Variants in ANKRD28 observed in about 807,000 individuals in gnomAD.
ANKRD28 encodes ankyrin repeat domain 28.
A neutral mutation model predicts 126.5 loss-of-function variants in ANKRD28; 44 were observed. That is an observed-to-expected ratio of 0.35 (90% CI 0.27 to 0.45). The LOEUF is 0.45. Among genes scored for constraint, ANKRD28 ranks in the 20% least tolerant of loss-of-function variants. The pLI, the probability that ANKRD28 is intolerant of heterozygous loss-of-function variation, is 1.00. For missense variants in ANKRD28, 1,110 were observed against 1,316.6 expected (o/e 0.84, Z 2.43); for synonymous variants, 442 against 468.5 (o/e 0.94, Z 0.73).
chr3:15,742,340 C>G lies in ANKRD28; in HGVS notation c.352-5107G>C, dbSNP rs566191846. 2.5e-4 allele frequency among the ~76,000 whole-genome samples: 38 copies of G among 151,386 alleles called. No individual in the cohort carries two copies. In the South Asian group the frequency reaches 7.7e-3, roughly 31 times the overall value. ...CCCATCTAGGAAGTGAGGAGCTTCT[C>G]TGCTCGGCCGCCCATCGTCTGAGAT... On this transcript the variant is annotated intron_variant, in intron 4 of 27. Transcript: ENST00000683139.
intron 25 of ANKRD28, 44 bp from the exon 26 acceptor site, chr3:15,677,100 A>G (rs779919230): frequency 8.7e-6 from 13 of 1,495,110 alleles, no homozygotes; most frequent in Non-Finnish European, 1.2e-5. Flanking sequence ...AGCACCATTA[A>G]AGATACATTT....
chr3:15,796,631 C>G lies in ANKRD28; in HGVS notation c.-110G>C. The G allele has an allele frequency of 1.5e-5, 15 of 1,029,900 alleles. No homozygotes were observed. The highest frequency in any genetic ancestry group is 1.8e-5 in the Non-Finnish European group (15 of 855,036). 63.8% of individuals were successfully genotyped at this position (1,029,900 alleles called of 1,614,324 possible). On this transcript the variant is annotated 5_prime_UTR_variant, in exon 1 of 28. Coordinates refer to ENST00000683139, the MANE Select transcript of ANKRD28 (RefSeq NM_001349278.2). The stretch of plus-strand genomic sequence containing the variant: ...ACAACACTTACAAACATTCTCTGAA[C>G]AGCACAGCTGGGTTTTTTTTTTTTT...
intron 1 of ANKRD28, among the ~76,000 whole-genome samples, chr3:15,834,745 C>T (rs2061285633): frequency 6.6e-6 from 1 of 152,074 alleles, no homozygotes; most frequent in Non-Finnish European, 1.5e-5. Flanking sequence ...GAAGCAAAAA[C>T]AAAGCTATTT....
chr3:15,808,263 G>C (rs1325152705), intron 1 of ANKRD28, among the ~76,000 whole-genome samples: 2 of 152,170 alleles, frequency 1.3e-5, no homozygotes, highest in Non-Finnish European at 2.9e-5. Context: ...TCAAAATTAA[G>C]ATGCCAGAAA....
chr3:15,704,159 G>A (rs2071021415), intron 14 of ANKRD28, among the ~76,000 whole-genome samples: 1 of 152,022 alleles, frequency 6.6e-6, no homozygotes, highest in African/African-American at 2.4e-5. Context: ...TATGTTCATT[G>A]CGATAGCAGC....
In ANKRD28 at chr3:15,713,589, T is replaced by C. The variant is rs750106637; in HGVS notation, c.1128A>G (p.Ala376=). ...DKNGNTPLHI[A]ARYGHELLIN... is the part of the protein sequence containing the mutation. ...TCAGCAGCTCATGGCCATACCGTGC[T>C]GCTATGTGCAAAGGGGTATTTCCAT... is the stretch of plus-strand genomic sequence containing the variant. The change falls in exon 10 of 28, where the codon GCA becomes GCG. Residue 376 remains alanine, a synonymous_variant. Coordinates refer to ENST00000683139, the MANE Select transcript of ANKRD28 (RefSeq NM_001349278.2). 4.3e-6 allele frequency: 7 copies of C among 1,611,312 alleles called. No homozygotes were observed. The East Asian group carries it at 1.1e-4, about 26-fold the overall frequency.
intron 4 of ANKRD28, among the ~76,000 whole-genome samples, chr3:15,744,508 G>A (rs2057346167): frequency 1.3e-5 from 2 of 150,978 alleles, no homozygotes; most frequent in Admixed American, 1.3e-4. Flanking sequence ...ATAGAGATGG[G>A]GTTTCACCAT....
At chr3:15,821,807 T>G (rs2060947066) in intron 1 of ANKRD28, among the ~76,000 whole-genome samples, 1 of 152,144 alleles carries the variant, frequency 6.6e-6, no homozygotes, top group Admixed American at 6.6e-5. Context: ...ATATGGACCT[T>G]ATTCTCAAAA....
rs776251350 is a variant in ANKRD28 at position 15,839,159 on chromosome 3, A to T, written c.27+20218T>A. 2.7e-4 allele frequency among the ~76,000 whole-genome samples: 41 copies of T among 152,124 alleles called. No individual in the cohort carries two copies. Among genetic ancestry groups the T allele is most frequent in the Admixed American group, 1.1e-3 (17 of 15,272 alleles). On this transcript the variant is annotated intron_variant, in intron 1 of 27. Transcript: ENST00000399451. This position sits in a 1 kb window ranked among gnomAD's most constrained non-coding sequence, Gnocchi z 4.3. Reference sequence around the variant, plus strand: ...GGTATCTTTTTGGGGTGATGAAAATACTCTAAAACTGGTTTGTAATGATGA... The same window carrying T: ...GGTATCTTTTTGGGGTGATGAAAATTCTCTAAAACTGGTTTGTAATGATGA...
chr3:15,858,432 TTAAG>T (rs1390909505), intron 1 of ANKRD28, among the ~76,000 whole-genome samples: 14 of 152,246 alleles, frequency 9.2e-5, no homozygotes, highest in African/African-American at 1.4e-4. Context: ...GCAATCTTTA[TTAAG>T]TAATATAAAA....
At chr3:15,762,124 T>C (rs745912396) in intron 3 of ANKRD28, among the ~76,000 whole-genome samples, 2 of 139,860 alleles carry the variant, frequency 1.4e-5, no homozygotes, top group Non-Finnish European at 3.1e-5. Flanking sequence ...AGGTGGAGGT[T>C]GCAGTAAACC....
intron 2 of ANKRD28, among the ~76,000 whole-genome samples, chr3:15,772,486 ATCAGCAAATTGAAT>A (rs1375863235): frequency 6.6e-6 from 1 of 152,198 alleles, no homozygotes; most frequent in Non-Finnish European, 1.5e-5. Context: ...TCAACTAAAT[ATCAGCAAATTGAAT>A]TCAGCAATAT....
intron 1 of ANKRD28, among the ~76,000 whole-genome samples, chr3:15,821,158 A>G (rs2060934221): frequency 6.6e-6 from 1 of 152,180 alleles, no homozygotes; most frequent in Non-Finnish European, 1.5e-5. Context: ...GATATTGCCA[A>G]ATGTCCCCTG....
chr3:15,855,232 T>A (rs1249117866), intron 1 of ANKRD28, among the ~76,000 whole-genome samples: 1 of 152,182 alleles, frequency 6.6e-6, no homozygotes, highest in African/African-American at 2.4e-5. Context: ...CCACTCTTAG[T>A]GTGTACTTGA....
chr3:15,726,337 C>A (rs1264736035), intron 6 of ANKRD28, among the ~76,000 whole-genome samples: 1 of 148,608 alleles, frequency 6.7e-6, no homozygotes, highest in Non-Finnish European at 1.5e-5. Context: ...AAGAAAAATT[C>A]TCCAAGAAAA....
At chr3:15,729,839 A>G (rs2074453015) in intron 6 of ANKRD28, among the ~76,000 whole-genome samples, 1 of 152,172 alleles carries the variant, frequency 6.6e-6, no homozygotes, top group East Asian at 1.9e-4. Context: ...ATCTACTATT[A>G]TGTTTCTAGA....
At chr3:15,811,701 C>T (rs2060715851) in intron 1 of ANKRD28, among the ~76,000 whole-genome samples, 2 of 152,028 alleles carry the variant, frequency 1.3e-5, no homozygotes, top group South Asian at 4.2e-4. Context: ...GATCCGCCCA[C>T]CTTGGCCTCC....
intron 18 of ANKRD28, 148 bp downstream of exon 18, chr3:15,689,871 T>C: frequency 1.5e-6 from 1 of 671,950 alleles, no homozygotes; most frequent in Non-Finnish European, 2.4e-6. Flanking sequence ...AATAAAGTTA[T>C]TTGGTGAGGT....
upstream of ANKRD28, among the ~76,000 whole-genome samples, chr3:15,800,260 T>C (rs2060437453): frequency 6.6e-6 from 1 of 152,132 alleles, no homozygotes; most frequent in Non-Finnish European, 1.5e-5. Context: ...AGTACAGTGC[T>C]TGAGAATGTA....
Sources: allele counts gnomAD v4.1 joint callset (sites outside exome capture counted in the v4.1 genomes callset), GRCh38; gene constraint gnomAD v4.1.1; non-coding constraint Gnocchi (gnomAD v3.1); transcripts MANE v1.5; gene names NCBI Gene and HGNC (gene_info 2026-07-23, HGNC 2026-07-21).